Variants in RHPN2 observed in about 807,000 individuals in gnomAD.
The protein encoded by RHPN2 is rhophilin-2.
RHPN2 carries 40 observed loss-of-function variants against 79.0 expected under a neutral mutation model. That is an observed-to-expected ratio of 0.51 (90% CI 0.39 to 0.66). The LOEUF (loss-of-function observed/expected upper bound fraction) is 0.66. RHPN2 is among the 30% of genes least tolerant of loss of function. The probability of loss-of-function intolerance (pLI) is 0.00; values close to 1 mark genes in which losing one functional copy is unlikely to be tolerated. For synonymous variants in RHPN2, 285 were observed against 363.5 expected, an observed-to-expected ratio of 0.78 and a Z score of 2.46; for missense variants, 686 against 883.5, an observed-to-expected ratio of 0.78 and a Z score of 2.83.
At chr19:32,987,707 C>T (rs1483299916) in intron 14 of RHPN2, among the ~76,000 whole-genome samples, 1 of 152,222 alleles carries the variant, frequency 6.6e-6, no homozygotes, top group Non-Finnish European at 1.5e-5. Flanking sequence ...AATATCATCC[C>T]TGTGCAATGA....
intron 11 of RHPN2, among the ~76,000 whole-genome samples, chr19:32,994,604 A>G (rs1460159293): frequency 6.6e-5 from 10 of 152,044 alleles, no homozygotes; most frequent in Non-Finnish European, 1.3e-4. Context: ...TGATAACCAG[A>G]CACATTCCCA....
intron 7 of RHPN2, among the ~76,000 whole-genome samples, 164 bp from the exon 8 acceptor site, chr19:33,003,164 C>T (rs1025684798): frequency 4.6e-5 from 7 of 151,842 alleles, no homozygotes; most frequent in South Asian, 4.2e-4. Flanking sequence ...TCAAGACCAG[C>T]GTGGGCAACG....
At chr19:33,023,851 G>C (rs902625886) in intron 3 of RHPN2, among the ~76,000 whole-genome samples, 1 of 151,810 alleles carries the variant, frequency 6.6e-6, no homozygotes, top group Non-Finnish European at 1.5e-5. Flanking sequence ...GTGCCGTGTT[G>C]AATCTGCACA....
intron 2 of RHPN2, among the ~76,000 whole-genome samples, chr19:33,030,063 G>A (rs561035460): frequency 6.6e-6 from 1 of 152,296 alleles, no homozygotes; most frequent in South Asian, 2.1e-4. Flanking sequence ...CACACCATTT[G>A]TACAAACAGT....
At chr19:33,054,451 C>T (rs1437537339) in intron 1 of RHPN2, among the ~76,000 whole-genome samples, 3 of 151,618 alleles carry the variant, frequency 2.0e-5, no homozygotes, top group East Asian at 1.9e-4. Context: ...CCTCCTGCCT[C>T]GGACTCCCAA....
chr19:33,024,387 C>T (rs1207157836), intron 3 of RHPN2, among the ~76,000 whole-genome samples: 2 of 152,116 alleles, frequency 1.3e-5, no homozygotes, highest in Admixed American at 1.3e-4. Flanking sequence ...GAGCCGAGAT[C>T]ATGCCACTAC....
rs1230415372 is a variant in RHPN2, at chr19:33,063,209, G to T, written c.69+1575C>A. Among the ~76,000 whole-genome samples the T allele has an allele frequency of 5.9e-5, 9 of 152,110 alleles. No individual in the cohort carries two copies. In the East Asian group the frequency reaches 9.7e-4, roughly 16 times the overall value. ...CTGTCCCAAACGCCACACATAATTA[G>T]AAGTTATAATCCTGTAATTCCATGA... On this transcript the variant is annotated intron_variant, in intron 1 of 14. Transcript: ENST00000254260.
Position 33,008,071 on chromosome 19 carries a change from C to T in RHPN2, c.703G>A (p.Asp235Asn), listed in dbSNP as rs1971807438. The change falls in exon 7 of 15, where the codon GAT (aspartate) becomes AAT (asparagine). Residue 235 changes from aspartate (D) to asparagine (N), a missense_variant. Asp to Asn is a conservative substitution (Grantham distance 23). Transcript: ENST00000254260. ...TCCAGCCCAGCCTGCGTCTGCCGAT[C>T]ACACCGGGTCCCAATCTGGGTGTAG... is the stretch of plus-strand genomic sequence containing the variant. ...ALYTQIGTRC[D>N]RQTQAGLESA... 6 of 1,613,636 alleles carry T rather than the reference C, an allele frequency of 3.7e-6. No individual in the cohort carries two copies. The highest frequency in any genetic ancestry group is 5.1e-6 in the Non-Finnish European group (6 of 1,179,968).
Position 32,996,157 on chromosome 19 carries a change from C to A in RHPN2, c.1289G>T (p.Cys430Phe), listed in dbSNP as rs370605415. 112 of 1,614,060 alleles carry A rather than the reference C, an allele frequency of 6.9e-5. No homozygotes were observed. The highest frequency in any genetic ancestry group is 8.6e-5 in the Non-Finnish European group (102 of 1,180,026). The change falls in exon 11 of 15, where the codon TGC (cysteine) becomes TTC (phenylalanine). Residue 430 changes from cysteine to phenylalanine, a missense_variant. By Grantham distance (205) the Cys-to-Phe change is radical. Coordinates refer to ENST00000254260, the MANE Select transcript of RHPN2 (RefSeq NM_033103.5). ...CACCTCAATGCTCCGCAGCTTCTTG[C>A]AGAGGCTGGCCTCCCGCACCGACTC... ...HEESVREASL[C>F]KKLRSIEVLQ...
At chr19:33,032,740 G>C (rs1972023479) in intron 2 of RHPN2, among the ~76,000 whole-genome samples, 1 of 152,128 alleles carries the variant, frequency 6.6e-6, no homozygotes, top group African/African-American at 2.4e-5. Context: ...ATTGGGGTGG[G>C]GGCGGAATCC....
In RHPN2 at chr19:32,989,255, G is replaced by A. The variant is rs145992772; in HGVS notation, c.1800+1259C>T. The stretch of plus-strand genomic sequence containing the variant: ...CTCCTGAGTAGCTGGGGTTACAGGC[G>A]TGCACCACCATGCCCAGCTAATTTT... On this transcript the variant is annotated intron_variant, in intron 14 of 14. Transcript: ENST00000254260. 7.9e-5 allele frequency among the ~76,000 whole-genome samples: 12 copies of A among 152,150 alleles called. No individual in the cohort carries two copies. The East Asian group carries it at 1.2e-3, about 15-fold the overall frequency.
At chr19:33,019,427 TA>T (rs1971905358) in intron 4 of RHPN2, among the ~76,000 whole-genome samples, 1 of 150,942 alleles carries the variant, frequency 6.6e-6, no homozygotes, top group African/African-American at 2.4e-5. Flanking sequence ...TAAAAATACA[TA>T]ATTAGCCAGG....
chr19:33,009,287 T>C (rs1218936517), intron 6 of RHPN2, among the ~76,000 whole-genome samples: 1 of 144,306 alleles, frequency 6.9e-6, no homozygotes, highest in Non-Finnish European at 1.5e-5. Flanking sequence ...GGTAAGTTCT[T>C]CAATTATAAA....
intron 2 of RHPN2, 148 bp downstream of exon 2, chr19:33,044,101 A>G: frequency 1.4e-6 from 1 of 696,100 alleles, no homozygotes; most frequent in Non-Finnish European, 2.7e-6. Context: ...TCTGTTTTCA[A>G]CATAACCAAG....
Position 33,002,376 on chromosome 19 carries a change from C to T in RHPN2, c.976G>A (p.Ala326Thr), listed in dbSNP as rs375651454. The T allele has an allele frequency of 6.6e-5, 106 of 1,613,908 alleles. 1 individual carries two copies. The highest frequency in any genetic ancestry group is 2.6e-4 in the South Asian group (24 of 91,072). The change falls in exon 9 of 15, where the codon GCA (alanine) becomes ACA (threonine). Residue 326 changes from alanine (A) to threonine (T), a missense_variant. Physicochemically the swap from Ala to Thr is moderately conservative, Grantham distance 58. Coordinates refer to ENST00000254260, the MANE Select transcript of RHPN2 (RefSeq NM_033103.5). Reference protein sequence around the residue: ...KVGEVYQQLHAAMSQAPVKEN... With the variant: ...KVGEVYQQLHTAMSQAPVKEN... ...TTCACCGGCGCCTGGCTCATGGCTG[C>T]GTGTAGCTGTTGGTAGACCTCTCCC...
At chr19:32,983,774 A>C (rs1038011334) in intron 14 of RHPN2, among the ~76,000 whole-genome samples, 1 of 151,422 alleles carries the variant, frequency 6.6e-6, no homozygotes, top group Admixed American at 6.6e-5. Context: ...TTACAGGCAC[A>C]TGCCACCACA....
Position 33,028,190 on chromosome 19 carries a change from T to C in RHPN2, c.186-1558A>G, listed in dbSNP as rs1477130385. 6.0e-5 allele frequency among the ~76,000 whole-genome samples: 9 copies of C among 149,780 alleles called. No individual in the cohort carries two copies. The Admixed American group carries it at 6.0e-4, about 10-fold the overall frequency. On this transcript the variant is annotated intron_variant, in intron 2 of 14. Coordinates refer to ENST00000254260, the MANE Select transcript of RHPN2 (RefSeq NM_033103.5). ...TTTTTTTCTCTAGACAGGGTATCAG[T>C]CTGTCACCTAGGCTGGAGTGCAATG...
chr19:33,043,912 C>T (rs1388494995), intron 2 of RHPN2, among the ~76,000 whole-genome samples: 6 of 152,240 alleles, frequency 3.9e-5, no homozygotes, highest in Admixed American at 1.3e-4. Flanking sequence ...CTGCACCAGG[C>T]ATAGTGTCAG....
chr19:33,002,692 G>A lies in RHPN2; in HGVS notation c.948+121C>T, dbSNP rs187633090. ...AAAACTCAAGCCAGCAGTACTGGCC[G>A]GAGCTGGCACAATGCCCAGGTCACA... On this transcript the variant is annotated intron_variant, in intron 8 of 14. Transcript: ENST00000254260. 736 of 1,057,930 alleles carry A rather than the reference G, an allele frequency of 7.0e-4. 10 individuals are homozygous for A. The East Asian group carries it at 0.015, about 21-fold the overall frequency. The allele number at this position is 1,057,930 out of a possible 1,614,324, so 65.5% of individuals were successfully genotyped here.
Sources: gnomAD v4.1 joint callset for allele counts (sites outside exome capture counted in the v4.1 genomes callset) on GRCh38, gnomAD v4.1.1 for gene constraint, MANE v1.5 for transcripts, NCBI Gene and HGNC (gene_info 2026-07-23, HGNC 2026-07-21) for gene names.